SORCS2: variants seen among roughly 807,000 people sequenced by gnomAD.
SORCS2 encodes VPS10 domain-containing receptor SorCS2.
In SORCS2, 100 loss-of-function variants were observed where a neutral mutation model predicts 141.6. The ratio of observed to expected loss-of-function variants is 0.71; its 90% confidence interval spans 0.60 to 0.83. The LOEUF is 0.83. SORCS2 is among the 40% of genes least tolerant of loss of function. The probability of loss-of-function intolerance (pLI) is 0.00; values close to 1 mark genes in which losing one functional copy is unlikely to be tolerated. For synonymous variants in SORCS2, 789 were observed against 676.9 expected, an observed-to-expected ratio of 1.17 and a Z score of -2.57; for missense variants, 1,646 against 1,560.2, an observed-to-expected ratio of 1.05 and a Z score of -0.93.
intron 2 of SORCS2, among the ~76,000 whole-genome samples, chr4:7,480,568 C>T (rs1730570774): frequency 6.6e-6 from 1 of 152,256 alleles, no homozygotes; most frequent in Non-Finnish European, 1.5e-5. Context: ...CCAGCCCTCG[C>T]TCCACCCTCA....
rs541965708 is a variant in SORCS2 at position 7,553,971 on chromosome 4, C to T, written c.648+22342C>T. On this transcript the variant is annotated intron_variant, in intron 3 of 26. Transcript: ENST00000507866. ...AGTTAAATCCAATTAGGAGGTTCAT[C>T]GCCCACATTGCTGGAAAAGAACATG... Among the ~76,000 whole-genome samples the T allele has an allele frequency of 1.1e-4, 16 of 152,290 alleles. 1 individual carries two copies. The highest frequency in any genetic ancestry group is 3.9e-4 in the Admixed American group (6 of 15,294).
At chr4:7,632,820 A>G (rs896625810) in intron 3 of SORCS2, among the ~76,000 whole-genome samples, 1 of 151,954 alleles carries the variant, frequency 6.6e-6, no homozygotes, top group Admixed American at 6.6e-5. Flanking sequence ...CACCAAGAGG[A>G]CCCTAGGGCC....
At chr4:7,739,142 C>G (rs539566846) in intron 26 of SORCS2, among the ~76,000 whole-genome samples, 1 of 152,344 alleles carries the variant, frequency 6.6e-6, no homozygotes, top group East Asian at 1.9e-4. Context: ...GTTACTCAAC[C>G]TCCCCAGGTC....
intron 1 of SORCS2, among the ~76,000 whole-genome samples, chr4:7,303,169 A>C (rs2108903332): frequency 6.6e-6 from 1 of 152,314 alleles, no homozygotes; most frequent in South Asian, 2.1e-4. Context: ...TTTAAAAAGA[A>C]GCCGGCATGG....
At chr4:7,640,053 G>C (rs1458421732) in intron 4 of SORCS2, among the ~76,000 whole-genome samples, 5 of 75,268 alleles carry the variant, frequency 6.6e-5, no homozygotes, top group African/African-American at 1.8e-4. Context: ...GTGAGAGTGT[G>C]AGTGTGTGTG....
chr4:7,262,125 G>A (rs1386041255), intron 1 of SORCS2, among the ~76,000 whole-genome samples: 2 of 151,608 alleles, frequency 1.3e-5, no homozygotes, highest in East Asian at 3.9e-4. Flanking sequence ...GGTCTCAGCA[G>A]AAATGAAAGA....
At chr4:7,235,479 C>A (rs1290648052) in intron 1 of SORCS2, among the ~76,000 whole-genome samples, 5 of 149,650 alleles carry the variant, frequency 3.3e-5, no homozygotes, top group Non-Finnish European at 5.9e-5. Context: ...CCTTGAGTGA[C>A]TGTGTCTTGA....
intron 3 of SORCS2, among the ~76,000 whole-genome samples, chr4:7,605,791 G>C (rs1286709937): frequency 6.6e-6 from 1 of 152,102 alleles, no homozygotes; most frequent in Non-Finnish European, 1.5e-5. Flanking sequence ...GGTCCTGGGA[G>C]GGGGTCTTGG....
chr4:7,698,661 G>A (rs1577088421), intron 12 of SORCS2, among the ~76,000 whole-genome samples: 2 of 152,286 alleles, frequency 1.3e-5, no homozygotes, highest in South Asian at 4.1e-4. Context: ...TTTCAAACTT[G>A]GGAATATCAG....
chr4:7,570,402 C>T (rs963520278), intron 3 of SORCS2, among the ~76,000 whole-genome samples: 2 of 152,376 alleles, frequency 1.3e-5, no homozygotes, highest in African/African-American at 2.4e-5. Flanking sequence ...AGGCTGCTTC[C>T]GGGTGGGCCC....
intron 12 of SORCS2, among the ~76,000 whole-genome samples, chr4:7,698,874 G>C (rs1402684985): frequency 6.6e-6 from 1 of 152,048 alleles, no homozygotes; most frequent in East Asian, 1.9e-4. Flanking sequence ...AGTTTCTTGG[G>C]GTGGGCTGAG....
chr4:7,280,234 C>T (rs1418852669), intron 1 of SORCS2, among the ~76,000 whole-genome samples: 1 of 152,048 alleles, frequency 6.6e-6, no homozygotes, highest in Non-Finnish European at 1.5e-5. Flanking sequence ...GGACTCAACA[C>T]CCAGGAAATC....
intron 3 of SORCS2, among the ~76,000 whole-genome samples, chr4:7,612,461 A>G (rs927065535): frequency 6.6e-5 from 10 of 151,974 alleles, no homozygotes. Context: ...CCATCTCCTT[A>G]AGGACAGGCC....
At chr4:7,294,438 C>T (rs1210904426) in intron 1 of SORCS2, among the ~76,000 whole-genome samples, 1 of 151,940 alleles carries the variant, frequency 6.6e-6, no homozygotes, top group South Asian at 2.1e-4. Context: ...CTGGGAACTG[C>T]GGCCTGCAGA....
chr4:7,730,438 A>G (rs565095736), intron 23 of SORCS2, among the ~76,000 whole-genome samples: 12 of 152,202 alleles, frequency 7.9e-5, no homozygotes, highest in Non-Finnish European at 1.3e-4. Flanking sequence ...AAACAAAAAC[A>G]TACATCCACA....
At chr4:7,523,904 C>T (rs10001490) in intron 2 of SORCS2, among the ~76,000 whole-genome samples, 3,610 of 152,284 alleles carry the variant, frequency 0.024, 100 homozygotes, top group East Asian at 0.11. Flanking sequence ...TCCTTGGGCC[C>T]CTGGGGCTTC....
chr4:7,441,661 C>A (rs555298056), intron 2 of SORCS2, among the ~76,000 whole-genome samples: 1 of 150,936 alleles, frequency 6.6e-6, no homozygotes, highest in Admixed American at 6.6e-5. Flanking sequence ...CTCCCCTAGC[C>A]CAGATCACCC....
chr4:7,718,142 C>T lies in SORCS2; in HGVS notation c.2383C>T (p.Arg795Trp), dbSNP rs750775872. 27 of 1,611,200 alleles carry T rather than the reference C, an allele frequency of 1.7e-5. No homozygotes were observed. The highest frequency in any genetic ancestry group is 2.2e-5 in the Non-Finnish European group (26 of 1,179,156). Residue 795 changes from arginine (R) to tryptophan (W), a missense_variant, in exon 18 of 27, where the codon CGG becomes TGG. Physicochemically the swap from Arg to Trp is moderately radical, Grantham distance 101. Transcript: ENST00000507866. ...VSIQGEAVAV[R>W]PGEDVLFVVR... is the part of the protein sequence containing the mutation. ...CATTCAAGGCGAGGCGGTGGCCGTG[C>T]GGCCTGGAGAGGACGTCCTGTTTGT...
intron 10 of SORCS2, among the ~76,000 whole-genome samples, chr4:7,683,282 G>A (rs1409584936): frequency 5.5e-5 from 8 of 144,560 alleles, no homozygotes; most frequent in Non-Finnish European, 1.0e-4. Context: ...TCAGCTGAGC[G>A]GCTCTGCTGA....
Sources: gnomAD v4.1 joint callset for allele counts (sites outside exome capture counted in the v4.1 genomes callset) on GRCh38, gnomAD v4.1.1 for gene constraint, MANE v1.5 for transcripts, NCBI Gene and HGNC (gene_info 2026-07-23, HGNC 2026-07-21) for gene names.